The following POM121C variants were observed in gnomAD, a reference collection of about 807,000 sequenced individuals.
POM121C encodes POM121 transmembrane nucleoporin C.
Under a neutral mutation model 66.4 loss-of-function variants are expected in POM121C, and 20 were observed. That is an observed-to-expected ratio of 0.30 (90% CI 0.21 to 0.44). POM121C has a LOEUF of 0.44. POM121C is among the 20% of genes least tolerant of loss of function. The pLI is 1.00. For missense variants in POM121C, 580 were observed against 1,225.7 expected (o/e 0.47, Z 7.87); for synonymous variants, 286 against 528.0 (o/e 0.54, Z 6.28).
At position 75,475,053 on chromosome 7, in the gene POM121C, T is replaced by C. The variant is rs587771635; in HGVS notation, c.-331+9A>G. On this transcript the variant is annotated intron_variant, in intron 2 of 14. Coordinates refer to ENST00000615331, the MANE Select transcript of POM121C (RefSeq NM_001099415.3). ...AACTGAGAGCATTCAGAAAGCAAGC[T>C]ATCCTCACCCAAGGAAACTAGATGG... is the stretch of plus-strand genomic sequence containing the variant. 628 of 1,351,426 alleles carry C rather than the reference T, an allele frequency of 4.6e-4. 5 individuals are homozygous for C. The South Asian group carries it at 5.8e-3, about 12-fold the overall frequency. 83.7% of individuals were successfully genotyped at this position (1,351,426 alleles called of 1,614,324 possible).
At chr7:75,470,105 G>A (rs587703299) in intron 3 of POM121C, among the ~76,000 whole-genome samples, 3 of 151,344 alleles carry the variant, frequency 2.0e-5, no homozygotes, top group African/African-American at 7.3e-5. Flanking sequence ...TAGTAGAGAC[G>A]GGGTTTCGCC....
intron 1 of POM121C, among the ~76,000 whole-genome samples, chr7:75,476,902 T>TTGTATCCA (rs1792100899): frequency 6.6e-6 from 1 of 151,940 alleles, no homozygotes; most frequent in South Asian, 2.1e-4. Flanking sequence ...AAGAAAAATC[T>TTGTATCCA]TGTATCCATG....
chr7:75,436,485 T>C (rs1432398614), intron 7 of POM121C, among the ~76,000 whole-genome samples: 3 of 152,180 alleles, frequency 2.0e-5, no homozygotes, highest in Non-Finnish European at 2.9e-5. Flanking sequence ...AATATTAAGG[T>C]TAATAATTTA....
At chr7:75,437,211 T>A (rs1191958286) in intron 7 of POM121C, among the ~76,000 whole-genome samples, 1 of 152,224 alleles carries the variant, frequency 6.6e-6, no homozygotes, top group Non-Finnish European at 1.5e-5. Flanking sequence ...CCTATATTGA[T>A]CACTCAATGA....
intron 7 of POM121C, among the ~76,000 whole-genome samples, chr7:75,436,417 T>A (rs1387243781): frequency 2.0e-5 from 3 of 152,170 alleles, no homozygotes; most frequent in African/African-American, 7.2e-5. Context: ...CCAGTTTGGC[T>A]CCCATAGTCC....
In POM121C at chr7:75,421,860, T is replaced by G. The variant is rs782740641; in HGVS notation, c.2392A>C (p.Thr798Pro). ...ASSQPAFGGS[T>P]AVFSFGAATS... ...GCTGCACCGAAGGAGAAGACAGCAG[T>G]GGAGCCGCCAAAGGCGGGCTGTGAG... Residue 798 changes from threonine (T) to proline (P), a missense_variant, in exon 13 of 15, where the codon ACT (threonine) becomes CCT (proline). By Grantham distance (38) the Thr-to-Pro change is conservative. Coordinates refer to ENST00000615331, the MANE Select transcript of POM121C (RefSeq NM_001099415.3). 6.2e-7 allele frequency: 1 copy of G among 1,611,006 alleles called. No individual in the cohort carries two copies. The highest frequency in any genetic ancestry group is 8.5e-7 in the Non-Finnish European group (1 of 1,179,228).
chr7:75,473,241 C>T (rs1791940460), intron 3 of POM121C, among the ~76,000 whole-genome samples: 1 of 151,908 alleles, frequency 6.6e-6, no homozygotes, highest in African/African-American at 2.4e-5. Context: ...AATTTGGAGG[C>T]AAGCTGCAAA....
chr7:75,477,036 T>C (rs1425124830), intron 1 of POM121C, among the ~76,000 whole-genome samples: 9 of 151,820 alleles, frequency 5.9e-5, no homozygotes, highest in Non-Finnish European at 1.3e-4. Flanking sequence ...TACACCCTAA[T>C]ATGCCATAGT....
At chr7:75,442,327 G>C (rs1413461276) in intron 3 of POM121C, 1 of 1,410,650 alleles carries the variant, frequency 7.1e-7, no homozygotes, top group Non-Finnish European at 9.1e-7. Context: ...GCGGCGGCCC[G>C]GGCTTGCCCA....
intron 3 of POM121C, among the ~76,000 whole-genome samples, chr7:75,470,039 T>A (rs1791810046): frequency 6.6e-6 from 1 of 152,182 alleles, no homozygotes. Flanking sequence ...CAATCTCGGC[T>A]CACTGCAACC....
chr7:75,468,913 G>A (rs778455153), intron 3 of POM121C, among the ~76,000 whole-genome samples: 1 of 152,014 alleles, frequency 6.6e-6, no homozygotes, highest in Non-Finnish European at 1.5e-5. Flanking sequence ...AACCTAACAC[G>A]TGCAAGACCA....
chr7:75,448,453 C>A (rs1584683476), intron 3 of POM121C, among the ~76,000 whole-genome samples: 1 of 114,096 alleles, frequency 8.8e-6, no homozygotes, highest in Admixed American at 1.1e-4. Context: ...CTGATATCAG[C>A]AAAAGGGCAG....
chr7:75,448,502 G>GA (rs61223131), intron 3 of POM121C, among the ~76,000 whole-genome samples: 48,218 of 78,534 alleles, frequency 0.61, 13,054 homozygotes, highest in East Asian at 0.83. Flanking sequence ...AACAGAAACA[G>GA]AAAAAAAAAA....
intron 1 of POM121C, chr7:75,484,179 C>T (rs1554480536): frequency 3.1e-6 from 5 of 1,607,660 alleles, no homozygotes; most frequent in African/African-American, 1.3e-5. Context: ...GGAACATATA[C>T]ACAAGCAGGA....
At chr7:75,435,667 G>A (rs587608074) in intron 7 of POM121C, among the ~76,000 whole-genome samples, 1 of 152,282 alleles carries the variant, frequency 6.6e-6, no homozygotes, top group South Asian at 2.1e-4. Context: ...TTCACAGAGG[G>A]ATATAAAGAC....
intron 7 of POM121C, among the ~76,000 whole-genome samples, chr7:75,431,540 T>C (rs782436469): frequency 1.5e-5 from 2 of 136,462 alleles, no homozygotes; most frequent in Non-Finnish European, 3.0e-5. Context: ...GAGGTGGAGG[T>C]TGCCATGAGC....
intron 6 of POM121C, 61 bp from the exon 7 acceptor site, chr7:75,437,747 C>CAT (rs1790471213): frequency 6.6e-7 from 1 of 1,510,952 alleles, no homozygotes; most frequent in African/African-American, 1.4e-5. Flanking sequence ...ACGATTTCAT[C>CAT]CACGGTCATG....
At chr7:75,468,897 AAAAT>A (rs1791773444) in intron 3 of POM121C, among the ~76,000 whole-genome samples, 1 of 152,184 alleles carries the variant, frequency 6.6e-6, no homozygotes, top group South Asian at 2.1e-4. Flanking sequence ...TTCAAAGAAA[AAAAT>A]AAACCTAACA....
chr7:75,485,809 C>G (rs1454774469), intron 1 of POM121C, 55 bp downstream of exon 1: 63 of 480,952 alleles, frequency 1.3e-4, no homozygotes, highest in Non-Finnish European at 1.6e-4. Flanking sequence ...GTCCCCAACA[C>G]AAGGTGACTT....
Sources: gnomAD v4.1 joint callset for allele counts (sites outside exome capture counted in the v4.1 genomes callset) on GRCh38, gnomAD v4.1.1 for gene constraint, MANE v1.5 for transcripts, NCBI Gene and HGNC (gene_info 2026-07-23, HGNC 2026-07-21) for gene names.